PCDH15: variants seen among roughly 807,000 people sequenced by gnomAD.
PCDH15 encodes the protein protocadherin related 15.
PCDH15 carries 129 observed loss-of-function variants against 178.5 expected under a neutral mutation model. That is an observed-to-expected ratio of 0.72 (90% CI 0.63 to 0.84). PCDH15 has a LOEUF of 0.84. PCDH15 is among the 40% of genes least tolerant of loss of function. The pLI is 0.00. For missense variants in PCDH15, 2,230 were observed against 2,099.9 expected (o/e 1.06, Z -1.21); for synonymous variants, 800 against 732.0 (o/e 1.09, Z -1.50).
intron 1 of PCDH15, among the ~76,000 whole-genome samples, chr10:55,171,684 A>G (rs1839334686): frequency 1.3e-5 from 2 of 152,140 alleles, no homozygotes; most frequent in South Asian, 4.1e-4. Context: ...TTTTGGTATG[A>G]TTTCTAATAT....
chr10:55,483,673 T>C (rs1272967344), intron 2 of PCDH15, among the ~76,000 whole-genome samples: 3 of 151,376 alleles, frequency 2.0e-5, no homozygotes, highest in Non-Finnish European at 4.4e-5. Context: ...TAAAGACACA[T>C]ACTGTGGTGG....
chr10:54,362,506 A>G (rs1052466880), intron 5 of PCDH15, among the ~76,000 whole-genome samples: 3 of 152,112 alleles, frequency 2.0e-5, no homozygotes, highest in Non-Finnish European at 2.9e-5. Context: ...CTAAATTGTG[A>G]ATGGCATTTT....
intron 18 of PCDH15, among the ~76,000 whole-genome samples, chr10:54,047,215 T>C (rs760250385): frequency 1.7e-4 from 26 of 152,098 alleles, no homozygotes; most frequent in Non-Finnish European, 3.7e-4. Flanking sequence ...GCTGATAGCA[T>C]GTCTGTTATA....
At chr10:54,117,095 A>T (rs1402857646) in intron 15 of PCDH15, among the ~76,000 whole-genome samples, 2 of 152,096 alleles carry the variant, frequency 1.3e-5, no homozygotes, top group African/African-American at 4.8e-5. Context: ...TGTTCCACCT[A>T]TGCAGCCTGA....
chr10:54,309,316 TACATAC>T (rs1346718015), intron 8 of PCDH15, among the ~76,000 whole-genome samples: 1 of 100,920 alleles, frequency 9.9e-6, no homozygotes, highest in Non-Finnish European at 2.0e-5. Flanking sequence ...TATATATACG[TACATAC>T]ACACACACAC....
intron 5 of PCDH15, among the ~76,000 whole-genome samples, chr10:54,367,879 T>A (rs1947048526): frequency 6.6e-6 from 1 of 151,656 alleles, no homozygotes. Flanking sequence ...TTGCCTAAGA[T>A]AATTCACCTA....
chr10:54,144,023 T>C (rs1207073500), intron 14 of PCDH15, among the ~76,000 whole-genome samples: 2 of 152,120 alleles, frequency 1.3e-5, no homozygotes, highest in Admixed American at 6.6e-5. Context: ...GCTAAGTATA[T>C]GGGCCTGAAG....
intron 2 of PCDH15, chr10:54,618,995 A>T (rs2093273855): frequency 1.3e-5 from 2 of 152,094 alleles, no homozygotes; most frequent in African/African-American, 2.4e-5. Flanking sequence ...ATGAATTTTT[A>T]AAATTTCAGT....
chr10:55,098,895 TGAGAGAGAGAGAGA>T lies in PCDH15; in HGVS notation c.-80+67667_-80+67680del, dbSNP rs10535301. ...ATGTGTTCTTTCATTAAAACTTCAA[TGAGAGAGAGAGAGA>T]GAGAGAGAGAGAGAGAGAGAGAGAG... On this transcript the variant is annotated intron_variant, in intron 2 of 5. Coordinates refer to the PCDH15 transcript ENST00000458638. Among the ~76,000 whole-genome samples, 1,092 of 120,258 alleles carry T rather than the reference TGAGAGAGAGAGAGA, an allele frequency of 9.1e-3. 18 individuals carry two copies. Among genetic ancestry groups the T allele is most frequent in the African/African-American group, 0.034 (989 of 29,308 alleles). 78.9% of individuals were successfully genotyped at this position (120,258 alleles called of 152,430 possible). A position where few individuals can be genotyped will look rare whatever the true frequency, so the allele number is the denominator to read the frequency against.
chr10:55,254,504 T>C (rs1592024391), intron 1 of PCDH15, among the ~76,000 whole-genome samples: 1 of 152,090 alleles, frequency 6.6e-6, no homozygotes, highest in East Asian at 1.9e-4. Flanking sequence ...GAAAGGTGAG[T>C]AACAGACCAA....
chr10:54,516,861 C>G (rs1456319611), intron 3 of PCDH15, among the ~76,000 whole-genome samples: 1 of 152,202 alleles, frequency 6.6e-6, no homozygotes, highest in Non-Finnish European at 1.5e-5. Flanking sequence ...CAGCAGATCT[C>G]TCGGCAGAAA....
chr10:55,335,220 T>C (rs982024542), intron 2 of PCDH15, among the ~76,000 whole-genome samples: 6 of 152,160 alleles, frequency 3.9e-5, no homozygotes, highest in African/African-American at 1.4e-4. Context: ...CCATTAGATC[T>C]GCCTCCAAGG....
At chr10:54,578,144 C>A (rs926762657) in intron 2 of PCDH15, among the ~76,000 whole-genome samples, 3 of 152,002 alleles carry the variant, frequency 2.0e-5, no homozygotes, top group Non-Finnish European at 4.4e-5. Flanking sequence ...ACTCCTTAGC[C>A]TTTTTGAAGT....
At chr10:54,035,645 C>T (rs144944618) in intron 18 of PCDH15, among the ~76,000 whole-genome samples, 3 of 152,020 alleles carry the variant, frequency 2.0e-5, no homozygotes, top group Non-Finnish European at 2.9e-5. Context: ...TTCCTATTCT[C>T]TGAGACACAG....
intron 9 of PCDH15, among the ~76,000 whole-genome samples, chr10:54,233,459 A>C (rs1393334313): frequency 6.6e-6 from 1 of 152,206 alleles, no homozygotes; most frequent in Non-Finnish European, 1.5e-5. Flanking sequence ...CTTCATTATA[A>C]TTTCTAATTG....
At chr10:55,456,605 TTCAATCTATAACACTAATTA>T (rs1456115364) in intron 2 of PCDH15, among the ~76,000 whole-genome samples, 2 of 152,082 alleles carry the variant, frequency 1.3e-5, no homozygotes, top group South Asian at 2.1e-4. Context: ...ATTGAATATT[TTCAATCTATAACACTAATTA>T]TGCAATATTT....
chr10:54,789,269 T>C (rs962639069), intron 1 of PCDH15, among the ~76,000 whole-genome samples: 19 of 151,952 alleles, frequency 1.3e-4, no homozygotes, highest in African/African-American at 4.6e-4. Flanking sequence ...ATCTTGTTTC[T>C]ATTTTGTCCC....
intron 13 of PCDH15, among the ~76,000 whole-genome samples, chr10:54,158,968 C>T (rs1027323643): frequency 2.0e-5 from 3 of 151,774 alleles, no homozygotes; most frequent in Non-Finnish European, 4.4e-5. Context: ...ATTAGCCAGG[C>T]GTGGTGGCGA....
intron 2 of PCDH15, among the ~76,000 whole-genome samples, chr10:55,517,119 GA>G (rs1296502691): frequency 9.2e-5 from 14 of 151,734 alleles, no homozygotes; most frequent in Non-Finnish European, 1.6e-4. Context: ...TAAAGAGGTT[GA>G]AAAAAAGTAA....
Sources: allele counts gnomAD v4.1 joint callset (sites outside exome capture counted in the v4.1 genomes callset), GRCh38; gene constraint gnomAD v4.1.1; transcripts MANE v1.5; gene names NCBI Gene and HGNC (gene_info 2026-07-23, HGNC 2026-07-21).